Variants in ITCH observed in about 807,000 individuals in gnomAD.
The protein encoded by ITCH is E3 ubiquitin-protein ligase Itchy homolog.
In ITCH, 28 loss-of-function variants were observed where a neutral mutation model predicts 126.8. That is an observed-to-expected ratio of 0.22 (90% CI 0.16 to 0.30). The LOEUF (loss-of-function observed/expected upper bound fraction) is 0.30, where lower values mean the gene tolerates loss of function less well. ITCH is among the 10% of genes least tolerant of loss of function. ITCH has a pLI of 1.00. For missense variants in ITCH, 631 were observed against 1,032.4 expected (o/e 0.61, Z 5.33); for synonymous variants, 342 against 340.0 (o/e 1.01, Z -0.06).
rs1600406607 is a variant in ITCH, at chr20:34,464,331, T to C, written c.1424+2110T>C. On this transcript the variant is annotated intron_variant, in intron 14 of 24. Coordinates refer to ENST00000374864, the MANE Select transcript of ITCH (RefSeq NM_031483.7). ...TTTTCTTTCTTTCTTTCTTTTTTTT[T>C]TTTGAGACGGAGCTTCACTCTTTTT... is the stretch of plus-strand genomic sequence containing the variant. 4.6e-5 allele frequency among the ~76,000 whole-genome samples: 7 copies of C among 150,998 alleles called. No homozygotes were observed. The South Asian group carries it at 1.0e-3, about 23-fold the overall frequency.
At chr20:34,424,589 A>G (rs1218213143) in intron 7 of ITCH, 64 bp downstream of exon 7, 1 of 1,299,450 alleles carries the variant, frequency 7.7e-7, no homozygotes, top group Non-Finnish European at 1.1e-6. Flanking sequence ...TATTCATTTT[A>G]GTGTAAACTT....
At chr20:34,373,290 T>C (rs1479809139) in intron 2 of ITCH, among the ~76,000 whole-genome samples, 1 of 151,740 alleles carries the variant, frequency 6.6e-6, no homozygotes, top group African/African-American at 2.4e-5. Flanking sequence ...TTTTTTTTTT[T>C]TTTTTGAGGC....
chr20:34,390,094 A>G (rs1215772794), intron 2 of ITCH, among the ~76,000 whole-genome samples: 1 of 148,846 alleles, frequency 6.7e-6, no homozygotes, highest in Non-Finnish European at 1.5e-5. Context: ...GCACTCAGCC[A>G]GGGCAACAGA....
At chr20:34,488,026 A>G (rs964244902) in intron 20 of ITCH, among the ~76,000 whole-genome samples, 8 of 152,216 alleles carry the variant, frequency 5.3e-5, no homozygotes, top group African/African-American at 7.2e-5. Context: ...TATTATTTCT[A>G]CGTGTCACAA....
chr20:34,445,273 T>TC lies in ITCH; in HGVS notation c.966-14_966-13insC. The TC allele has an allele frequency of 2.5e-6, 4 of 1,598,280 alleles. No individual in the cohort carries two copies. The highest frequency in any genetic ancestry group is 3.4e-6 in the Non-Finnish European group (4 of 1,176,142). On this transcript the variant is annotated splice_polypyrimidine_tract_variant and intron_variant, in intron 10 of 24. Transcript: ENST00000374864. ...TTGAATTAGCTTGTTTTTTTTTTTT[T>TC]TTTTCTGATTTAGCTGGGAACGGCG...
intron 2 of ITCH, among the ~76,000 whole-genome samples, chr20:34,373,379 C>T (rs2037714589): frequency 2.0e-5 from 3 of 151,506 alleles, no homozygotes; most frequent in Non-Finnish European, 2.9e-5. Context: ...GGGTTCAAGC[C>T]ATTCTCCTGC....
intron 3 of ITCH, among the ~76,000 whole-genome samples, chr20:34,397,063 G>A (rs1231972998): frequency 2.0e-5 from 3 of 151,216 alleles, no homozygotes; most frequent in Non-Finnish European, 2.9e-5. Flanking sequence ...AGTCTCTGTC[G>A]CCCAGGCTGG....
intron 7 of ITCH, among the ~76,000 whole-genome samples, chr20:34,426,618 G>T (rs892294001): frequency 6.8e-6 from 1 of 147,404 alleles, no homozygotes; most frequent in African/African-American, 2.5e-5. Context: ...ATGCCCGGCT[G>T]TTTGTATTTT....
At chr20:34,467,190 G>A (rs1451346655) in intron 14 of ITCH, among the ~76,000 whole-genome samples, 1 of 152,156 alleles carries the variant, frequency 6.6e-6, no homozygotes, top group African/African-American at 2.4e-5. Context: ...AGAACAGATA[G>A]TAAGTCTAAA....
intron 1 of ITCH, among the ~76,000 whole-genome samples, chr20:34,365,278 G>A (rs192530101): frequency 2.6e-4 from 40 of 152,154 alleles, no homozygotes; most frequent in Non-Finnish European, 3.1e-4. Flanking sequence ...AGTTTTGTGA[G>A]TCCAAAAGGA....
In ITCH at chr20:34,511,318, T is replaced by A. The variant is rs771141436; in HGVS notation, c.*3524T>A. 6.6e-5 allele frequency: 10 copies of A among 152,246 alleles called. No individual in the cohort carries two copies. Among genetic ancestry groups the A allele is most frequent in the Non-Finnish European group, 1.3e-4 (9 of 68,050 alleles). The allele number at this position is 152,246 out of a possible 1,614,324, so 9.4% of individuals were successfully genotyped here. A position where few individuals can be genotyped will look rare whatever the true frequency, so the allele number is the denominator to read the frequency against. On this transcript the variant is annotated 3_prime_UTR_variant, in exon 25 of 25. Transcript: ENST00000374864. ...AGGGAGTCAAATGCTTTTATAAAGT[T>A]CCTTCAGTGGTTGCCTCACTTGCGT...
intron 23 of ITCH, among the ~76,000 whole-genome samples, chr20:34,496,830 A>C (rs1245677516): frequency 6.6e-6 from 1 of 151,650 alleles, no homozygotes; most frequent in Non-Finnish European, 1.5e-5. Flanking sequence ...AAGAAAAGAG[A>C]AAAGAAAAAT....
intron 23 of ITCH, among the ~76,000 whole-genome samples, chr20:34,495,921 T>TAAAAAAAAAAA (rs35357680): frequency 2.0e-5 from 1 of 49,960 alleles, no homozygotes; most frequent in Non-Finnish European, 3.9e-5. Context: ...CTGAAAATAC[T>TAAAAAAAAAAA]AAAAAAAAAA....
At chr20:34,459,879 TGAA>T (rs1004180737) in intron 13 of ITCH, among the ~76,000 whole-genome samples, 33 of 152,362 alleles carry the variant, frequency 2.2e-4, no homozygotes, top group Non-Finnish European at 3.8e-4. Flanking sequence ...AAAGGAAGAA[TGAA>T]GAATTTCATA....
At chr20:34,467,762 C>G (rs1376681303) in intron 14 of ITCH, among the ~76,000 whole-genome samples, 7 of 144,384 alleles carry the variant, frequency 4.8e-5, no homozygotes, top group African/African-American at 1.8e-4. Context: ...CTCGGCTCAC[C>G]GCAACCTCGG....
intron 20 of ITCH, among the ~76,000 whole-genome samples, chr20:34,487,501 A>G (rs1286816323): frequency 6.6e-6 from 1 of 152,046 alleles, no homozygotes; most frequent in Admixed American, 6.6e-5. Flanking sequence ...TCTTTGAATA[A>G]AGCAATTTTT....
At chr20:34,383,585 C>T (rs996255798) in intron 2 of ITCH, among the ~76,000 whole-genome samples, 9 of 151,946 alleles carry the variant, frequency 5.9e-5, no homozygotes, top group Non-Finnish European at 1.3e-4. Context: ...AGGCTGGTCT[C>T]GAACTCCTGA....
chr20:34,442,411 T>C, intron 10 of ITCH, 108 bp downstream of exon 10: 4 of 800,770 alleles, frequency 5.0e-6, no homozygotes, highest in Non-Finnish European at 8.4e-6. Context: ...CAGCCCTTTC[T>C]CTGTCCACTT....
intron 6 of ITCH, 103 bp from the exon 7 acceptor site, chr20:34,424,373 TACAA>T: frequency 2.4e-6 from 2 of 843,374 alleles, no homozygotes; most frequent in Non-Finnish European, 4.1e-6. Flanking sequence ...TGTTCTTTAT[TACAA>T]AGATTTAATA....
Sources: gnomAD v4.1 joint callset for allele counts (sites outside exome capture counted in the v4.1 genomes callset) on GRCh38, gnomAD v4.1.1 for gene constraint, MANE v1.5 for transcripts, NCBI Gene and HGNC (gene_info 2026-07-23, HGNC 2026-07-21) for gene names.